ADAMTS9: variants seen among roughly 807,000 people sequenced by gnomAD.
ADAMTS9 encodes ADAM metallopeptidase with thrombospondin type 1 motif 9.
ADAMTS9 carries 107 observed loss-of-function variants against 257.1 expected under a neutral mutation model. The observed-to-expected ratio is 0.42, with a 90% CI of 0.36 to 0.49. The LOEUF (loss-of-function observed/expected upper bound fraction) is 0.49, where lower values mean the gene tolerates loss of function less well. Ranked by LOEUF, ADAMTS9 falls within the 20% of genes least tolerant of loss-of-function variation. The pLI, the probability that ADAMTS9 is intolerant of heterozygous loss-of-function variation, is 0.03. For missense variants in ADAMTS9, 2,353 were observed against 2,469.1 expected, an observed-to-expected ratio of 0.95 and a Z score of 1.00; for synonymous variants, 982 against 880.9, an observed-to-expected ratio of 1.11 and a Z score of -2.03.
chr3:64,533,129 T>A lies in ADAMTS9; in HGVS notation c.5718+37A>T, dbSNP rs747321855. On this transcript the variant is annotated intron_variant, in intron 38 of 39. Coordinates refer to ENST00000498707, the MANE Select transcript of ADAMTS9 (RefSeq NM_182920.2). ...TAAAGACAAGAACGAAAGAAAGAAATAAAAATTCATCTCCCAACCCATCTG... is the reference window on the plus strand; with the variant it reads ...TAAAGACAAGAACGAAAGAAAGAAAAAAAAATTCATCTCCCAACCCATCTG... 1.9e-6 allele frequency: 3 copies of A among 1,551,622 alleles called. 1 individual carries two copies. Among genetic ancestry groups the A allele is most frequent in the Middle Eastern group, 1.7e-4 (1 of 5,910 alleles).
chr3:64,549,977 C>A lies in ADAMTS9; in HGVS notation c.4869+915G>T, dbSNP rs78018465. Among the ~76,000 whole-genome samples, 77 of 148,222 alleles carry A rather than the reference C, an allele frequency of 5.2e-4. 1 individual carries two copies. The East Asian group carries it at 0.015, about 29-fold the overall frequency. On this transcript the variant is annotated intron_variant, in intron 31 of 39. Coordinates refer to ENST00000498707, the MANE Select transcript of ADAMTS9 (RefSeq NM_182920.2). Reference sequence around the variant, plus strand: ...CTGCCTGTCAAACTTTGAAGAGACCCAGTGGCAGCAATCATATTACCTAAC... The same window carrying A: ...CTGCCTGTCAAACTTTGAAGAGACCAAGTGGCAGCAATCATATTACCTAAC...
intron 28 of ADAMTS9, among the ~76,000 whole-genome samples, chr3:64,579,519 G>A (rs917100836): frequency 4.6e-5 from 7 of 151,480 alleles, no homozygotes; most frequent in Non-Finnish European, 7.4e-5. Context: ...TTTGTGATTC[G>A]TAGCTTGTCT....
chr3:64,654,719 T>TGG, intron 6 of ADAMTS9, 107 bp from the exon 7 acceptor site: 1 of 1,302,562 alleles, frequency 7.7e-7, no homozygotes, highest in Admixed American at 2.3e-5. Context: ...CACTTTGGGG[T>TGG]GGGGGTTAAA....
chr3:64,685,907 C>G (rs980736323), intron 2 of ADAMTS9, among the ~76,000 whole-genome samples: 2 of 152,186 alleles, frequency 1.3e-5, no homozygotes. Flanking sequence ...CCCCCACTCT[C>G]GGTTCCACCC....
intron 3 of ADAMTS9, among the ~76,000 whole-genome samples, chr3:64,667,716 CAAT>C (rs942188946): frequency 9.2e-5 from 14 of 152,160 alleles, no homozygotes; most frequent in African/African-American, 1.4e-4. Context: ...GTGATAACAA[CAAT>C]GACTATAGGC....
chr3:64,578,549 ATCTT>A (rs151273136), intron 28 of ADAMTS9, among the ~76,000 whole-genome samples: 1,595 of 152,256 alleles, frequency 0.01, 55 homozygotes, highest in East Asian at 0.076. Context: ...GACTGGAAAT[ATCTT>A]TCTTTGTTAT....
At chr3:64,591,375 G>A (rs1442585873) in intron 28 of ADAMTS9, among the ~76,000 whole-genome samples, 1 of 151,920 alleles carries the variant, frequency 6.6e-6, no homozygotes, top group Non-Finnish European at 1.5e-5. Context: ...GGGAGGAGGA[G>A]GTTGCAGTGA....
At chr3:64,621,888 AAAAT>A (rs1700116451) in intron 18 of ADAMTS9, among the ~76,000 whole-genome samples, 1 of 152,172 alleles carries the variant, frequency 6.6e-6, no homozygotes, top group South Asian at 2.1e-4. Context: ...AAAAGAAAAC[AAAAT>A]AAATAACATA....
chr3:64,633,181 A>G (rs1700411184), intron 14 of ADAMTS9, among the ~76,000 whole-genome samples: 1 of 152,204 alleles, frequency 6.6e-6, no homozygotes, highest in African/African-American at 2.4e-5. Flanking sequence ...ATAGCAAAGG[A>G]GTGTGGGTGT....
intron 11 of ADAMTS9, among the ~76,000 whole-genome samples, chr3:64,646,424 TACATGTCTTGCAAAGATTCA>T (rs889289112): frequency 1.3e-5 from 2 of 152,328 alleles, no homozygotes; most frequent in African/African-American, 2.4e-5. Flanking sequence ...TCCACTAAGT[TACATGTCTTGCAAAGATTCA>T]ACATGTCTTG....
intron 28 of ADAMTS9, among the ~76,000 whole-genome samples, chr3:64,577,875 C>A (rs2083892721): frequency 6.6e-6 from 1 of 152,210 alleles, no homozygotes; most frequent in Admixed American, 6.5e-5. Flanking sequence ...ATTTAAAAGA[C>A]ACCAGGACAC....
At chr3:64,585,880 C>T (rs977503194) in intron 28 of ADAMTS9, among the ~76,000 whole-genome samples, 2 of 152,016 alleles carry the variant, frequency 1.3e-5, no homozygotes, top group Admixed American at 1.3e-4. Context: ...ATTTTCTTTG[C>T]TTATCCCCTA....
rs9861961 is a variant in ADAMTS9 at position 64,615,182 on chromosome 3, A to G, written c.3189+139T>C. Reference sequence around the variant, plus strand: ...AGTCATGGTGCAGGCAGAGAACTGGAGTTGTTTTCTCAAGGGAGACAAGGG... The same window carrying G: ...AGTCATGGTGCAGGCAGAGAACTGGGGTTGTTTTCTCAAGGGAGACAAGGG... On this transcript the variant is annotated intron_variant, in intron 21 of 39. Transcript: ENST00000498707. 4.1e-3 allele frequency: 3,979 copies of G among 977,428 alleles called. 115 individuals carry two copies. The African/African-American group carries it at 0.053, about 13-fold the overall frequency. The allele number at this position is 977,428 out of a possible 1,614,324, so 60.5% of individuals were successfully genotyped here. A position where few individuals can be genotyped will look rare whatever the true frequency, so the allele number is the denominator to read the frequency against.
chr3:64,617,594 C>T (rs1699992705), intron 19 of ADAMTS9, among the ~76,000 whole-genome samples: 1 of 151,780 alleles, frequency 6.6e-6, no homozygotes, highest in Admixed American at 6.6e-5. Context: ...TTCAGGAAAC[C>T]ATATTCCAAA....
At chr3:64,641,763 T>G in intron 12 of ADAMTS9, 85 bp downstream of exon 12, 3 of 1,541,900 alleles carry the variant, frequency 1.9e-6, no homozygotes, top group Non-Finnish European at 2.7e-6. Flanking sequence ...AGTTGGAATG[T>G]ACTCTTCACC....
rs1030822227 is a variant in ADAMTS9, at chr3:64,613,345, C to A, written c.3354G>T (p.Gln1118His). 6.2e-7 allele frequency: 1 copy of A among 1,612,962 alleles called. No homozygotes were observed. Among genetic ancestry groups the A allele is most frequent in the Non-Finnish European group, 8.5e-7 (1 of 1,179,452 alleles). The change falls in exon 22 of 40, where the codon CAG becomes CAT. Residue 1118 changes from glutamine (Q) to histidine (H), a missense_variant and splice_region_variant. Physicochemically the swap from Gln to His is conservative, Grantham distance 24 (BLOSUM62 0). Coordinates refer to ENST00000498707, the MANE Select transcript of ADAMTS9 (RefSeq NM_182920.2). Reference protein sequence around the residue: ...CASWQAGPWGQCSVTCGQGYQ... With the variant: ...CASWQAGPWGHCSVTCGQGYQ... ...TTAAGAATCTTATCGTTCAAAATAC[C>A]TGTCCCCAGGGACCCGCCTGCCAGG...
chr3:64,636,104 T>C (rs1700488393), intron 12 of ADAMTS9, among the ~76,000 whole-genome samples: 1 of 152,018 alleles, frequency 6.6e-6, no homozygotes, highest in South Asian at 2.1e-4. Context: ...TGTTCTCTTA[T>C]ATGACACGTC....
intron 39 of ADAMTS9, among the ~76,000 whole-genome samples, chr3:64,518,790 T>TTTTTA (rs2082814428): frequency 1.9e-5 from 2 of 102,850 alleles, no homozygotes; most frequent in African/African-American, 5.7e-5. Flanking sequence ...TTTTTTTTTT[T>TTTTTA]GAGACAGAGG....
intron 28 of ADAMTS9, chr3:64,587,527 G>A (rs1007454939): frequency 4.6e-5 from 7 of 152,124 alleles, no homozygotes; most frequent in Admixed American, 2.0e-4. Context: ...TTAACCACAT[G>A]TGACTAGTGG....
Sources: gnomAD v4.1 joint callset for allele counts (sites outside exome capture counted in the v4.1 genomes callset) on GRCh38, gnomAD v4.1.1 for gene constraint, MANE v1.5 for transcripts, NCBI Gene and HGNC (gene_info 2026-07-23, HGNC 2026-07-21) for gene names.